SGK3: variants seen among roughly 807,000 people sequenced by gnomAD.
SGK3 encodes the protein serine/threonine-protein kinase Sgk3.
A neutral mutation model predicts 68.5 loss-of-function variants in SGK3; 47 were observed. That is an observed-to-expected ratio of 0.69 (90% CI 0.54 to 0.87). The LOEUF (loss-of-function observed/expected upper bound fraction) is 0.87. Among genes scored for constraint, SGK3 ranks in the 40% least tolerant of loss-of-function variants. SGK3 has a pLI of 0.00. For missense variants in SGK3, 479 were observed against 575.5 expected (o/e 0.83, Z 1.72); for synonymous variants, 181 against 189.1 (o/e 0.96, Z 0.35).
chr8:66,725,636 T>A (rs73691565), intron 1 of SGK3, among the ~76,000 whole-genome samples: 20,116 of 147,788 alleles, frequency 0.14, 2,592 homozygotes, highest in African/African-American at 0.34. Context: ...TGTGTTTTAA[T>A]TTTTTTTTTT....
chr8:66,819,224 T>C (rs1293681178), intron 5 of SGK3, among the ~76,000 whole-genome samples: 6 of 152,184 alleles, frequency 3.9e-5, no homozygotes, highest in Non-Finnish European at 8.8e-5. Flanking sequence ...AATGTAACAT[T>C]TAATGCTAAC....
chr8:66,736,978 A>G (rs554830190), intron 1 of SGK3, among the ~76,000 whole-genome samples: 31 of 151,726 alleles, frequency 2.0e-4, no homozygotes, highest in South Asian at 6.2e-4. Flanking sequence ...AGGCCTTGCT[A>G]TGTTCCCCAG....
Position 66,744,531 on chromosome 8 carries a change from T to TGTTTTGTTTTG in SGK3, c.-122+31698_-122+31699insGTTTTGTTTTG, listed in dbSNP as rs757878685. ...TATATATATATATATTTTTTTTTTT[T>TGTTTTGTTTTG]TTTTTTTTTTTTTTAGATGGAGTCT... On this transcript the variant is annotated intron_variant, in intron 1 of 16. Transcript: ENST00000521198. 1.5e-4 allele frequency among the ~76,000 whole-genome samples: 16 copies of TGTTTTGTTTTG among 107,676 alleles called. 1 individual carries two copies. Among genetic ancestry groups the TGTTTTGTTTTG allele is most frequent in the African/African-American group, 6.1e-4 (16 of 26,234 alleles). 70.6% of individuals were successfully genotyped at this position (107,676 alleles called of 152,430 possible). A position where few individuals can be genotyped will look rare whatever the true frequency, so the allele number is the denominator to read the frequency against.
intron 1 of SGK3, among the ~76,000 whole-genome samples, chr8:66,757,638 G>A (rs1806019738): frequency 6.6e-6 from 1 of 151,874 alleles, no homozygotes; most frequent in African/African-American, 2.4e-5. Flanking sequence ...AATATGGCCA[G>A]GTGCAGTGGC....
At position 66,791,440 on chromosome 8, in the gene SGK3, T is replaced by C. The variant is rs751354211; in HGVS notation, c.-121-2176T>C. On this transcript the variant is annotated intron_variant, in intron 1 of 16. Coordinates refer to ENST00000521198, the MANE Select transcript of SGK3 (RefSeq NM_001033578.3). The stretch of plus-strand genomic sequence containing the variant: ...ACCTTTGGCTCAGGTTTGAGTGTGC[T>C]TCTTGAGTGTAGACTTCTACACTTA... Among the ~76,000 whole-genome samples, 22 of 152,168 alleles carry C rather than the reference T, an allele frequency of 1.4e-4. 1 individual carries two copies. Among genetic ancestry groups the C allele is most frequent in the Non-Finnish European group, 1.2e-4 (8 of 68,032 alleles).
intron 6 of SGK3, among the ~76,000 whole-genome samples, chr8:66,825,332 T>C (rs1809008718): frequency 6.8e-6 from 1 of 146,550 alleles, no homozygotes; most frequent in African/African-American, 2.5e-5. Flanking sequence ...TTAAGGACTT[T>C]TTTTTTTTTT....
intron 1 of SGK3, among the ~76,000 whole-genome samples, chr8:66,770,081 G>A (rs903967851): frequency 6.6e-6 from 1 of 152,094 alleles, no homozygotes; most frequent in Non-Finnish European, 1.5e-5. Context: ...AGCCTCCCGA[G>A]TAGCTGGGAC....
At position 66,712,788 on chromosome 8, in the gene SGK3, G is replaced by T. The variant is rs1413809785; in HGVS notation, c.-167G>T. 2 of 151,400 alleles carry T rather than the reference G, an allele frequency of 1.3e-5. No individual in the cohort carries two copies. The highest frequency in any genetic ancestry group is 1.3e-4 in the Admixed American group (2 of 15,202). The allele number at this position is 151,400 out of a possible 1,614,324, so 9.4% of individuals were successfully genotyped here. ...TGCCGGGAAGGAGGAAGCGCAGTGC[G>T]TTCGGCTCCGCGCCCGCCGCGCCGG... On this transcript the variant is annotated 5_prime_UTR_variant, in exon 1 of 17. Transcript: ENST00000521198.
At position 66,847,209 on chromosome 8, in the gene SGK3, G is replaced by A. The variant is rs774604635; in HGVS notation, c.1091G>A (p.Arg364Gln). Residue 364 changes from arginine (R) to glutamine (Q), a missense_variant, in exon 15 of 17, where the codon CGA becomes CAA. Physicochemically the swap from Arg to Gln is conservative, Grantham distance 43. Coordinates refer to ENST00000521198, the MANE Select transcript of SGK3 (RefSeq NM_001033578.3). ...MLYGLPPFYC[R>Q]DVAEMYDNIL... is the part of the protein sequence containing the mutation. ...TTTTTCCAGCCTCCTTTTTATTGCC[G>A]AGATGTTGCTGAAATGTATGACAAT... The A allele has an allele frequency of 2.8e-5, 45 of 1,600,152 alleles. No homozygotes were observed. The highest frequency in any genetic ancestry group is 5.7e-5 in the South Asian group (5 of 87,942).
chr8:66,842,773 A>G (rs902860398), intron 13 of SGK3, among the ~76,000 whole-genome samples: 1 of 152,216 alleles, frequency 6.6e-6, no homozygotes, highest in African/African-American at 2.4e-5. Flanking sequence ...TATAATTGCT[A>G]CATTAAGTAT....
intron 8 of SGK3, among the ~76,000 whole-genome samples, chr8:66,832,435 A>G (rs764821752): frequency 6.6e-6 from 1 of 152,204 alleles, no homozygotes; most frequent in Non-Finnish European, 1.5e-5. Flanking sequence ...AACTGTGGCT[A>G]TGCAATTAAA....
At chr8:66,781,763 A>G (rs1269849697) in intron 1 of SGK3, among the ~76,000 whole-genome samples, 1 of 152,210 alleles carries the variant, frequency 6.6e-6, no homozygotes, top group East Asian at 1.9e-4. Flanking sequence ...TTTATCAAGA[A>G]TCGGATAAGT....
intron 5 of SGK3, among the ~76,000 whole-genome samples, chr8:66,814,407 A>G (rs993180982): frequency 2.0e-5 from 3 of 152,220 alleles, no homozygotes; most frequent in Non-Finnish European, 2.9e-5. Flanking sequence ...GTGTAGGCAT[A>G]TCTTCTTGAG....
At chr8:66,760,218 A>G (rs1806114878) in intron 1 of SGK3, among the ~76,000 whole-genome samples, 1 of 152,118 alleles carries the variant, frequency 6.6e-6, no homozygotes, top group African/African-American at 2.4e-5. Flanking sequence ...GGCAGAAACT[A>G]ATTTTCCAAA....
chr8:66,861,773 A>C lies in SGK3; in HGVS notation c.*2192A>C, dbSNP rs1810751083. 1 of 152,148 alleles carries C rather than the reference A, an allele frequency of 6.6e-6. No homozygotes were observed. The allele number at this position is 152,148 out of a possible 1,614,324, so 9.4% of individuals were successfully genotyped here. ...CTTTAGAGGTAAGACTTTAATATCT[A>C]TACTGTAAATATTTGGTTTATTTGG... On this transcript the variant is annotated 3_prime_UTR_variant, in exon 17 of 17. Transcript: ENST00000521198.
At chr8:66,768,689 T>G (rs938579374) in intron 1 of SGK3, among the ~76,000 whole-genome samples, 5 of 152,058 alleles carry the variant, frequency 3.3e-5, no homozygotes, top group Admixed American at 2.6e-4. Flanking sequence ...CTCAGCCTCC[T>G]GAGTAGCTGG....
intron 1 of SGK3, among the ~76,000 whole-genome samples, chr8:66,757,801 G>A (rs1361495451): frequency 6.6e-6 from 1 of 150,968 alleles, no homozygotes; most frequent in Non-Finnish European, 1.5e-5. Flanking sequence ...TGTAATCCCA[G>A]CTATTTGGGA....
At chr8:66,789,052 G>A (rs778962917) in intron 1 of SGK3, among the ~76,000 whole-genome samples, 1 of 151,668 alleles carries the variant, frequency 6.6e-6, no homozygotes, top group Non-Finnish European at 1.5e-5. Context: ...CTTACTGATG[G>A]TGATAGAAAA....
intron 1 of SGK3, among the ~76,000 whole-genome samples, chr8:66,720,612 AT>A (rs1804767252): frequency 6.6e-6 from 1 of 151,658 alleles, no homozygotes; most frequent in African/African-American, 2.4e-5. Context: ...TCTACTAAAA[AT>A]ATAAAAATTA....
Sources: allele counts gnomAD v4.1 joint callset (sites outside exome capture counted in the v4.1 genomes callset), GRCh38; gene constraint gnomAD v4.1.1; transcripts MANE v1.5; gene names NCBI Gene and HGNC (gene_info 2026-07-23, HGNC 2026-07-21).